CD2AP: variants seen among roughly 807,000 people sequenced by gnomAD.
CD2AP encodes CD2-associated protein.
CD2AP carries 46 observed loss-of-function variants against 85.1 expected under a neutral mutation model. The observed-to-expected ratio is 0.54, with a 90% CI of 0.43 to 0.69. The LOEUF (loss-of-function observed/expected upper bound fraction) is 0.69, where lower values mean the gene tolerates loss of function less well. CD2AP is among the 30% of genes least tolerant of loss of function. The probability of loss-of-function intolerance (pLI) is 0.00; values close to 1 mark genes in which losing one functional copy is unlikely to be tolerated. For synonymous variants in CD2AP, 255 were observed against 252.9 expected, an observed-to-expected ratio of 1.01 and a Z score of -0.08; for missense variants, 769 against 729.5, an observed-to-expected ratio of 1.05 and a Z score of -0.62.
At chr6:47,516,838 T>C (rs1379270209) in intron 2 of CD2AP, among the ~76,000 whole-genome samples, 1 of 152,224 alleles carries the variant, frequency 6.6e-6, no homozygotes. Context: ...AATCAACTGT[T>C]ATTCTTTATT....
chr6:47,512,199 G>A (rs1162174963), intron 2 of CD2AP, among the ~76,000 whole-genome samples: 2 of 151,388 alleles, frequency 1.3e-5, no homozygotes, highest in African/African-American at 2.4e-5. Flanking sequence ...AAAATTCGCC[G>A]GGAGTGGTGA....
Position 47,581,990 on chromosome 6 carries a change from T to A in CD2AP, c.1046-13T>A. The A allele has an allele frequency of 6.3e-7, 1 of 1,576,426 alleles. No homozygotes were observed. Reference sequence around the variant, plus strand: ...CTGTCTTCTTAAAAAAGTATTAATGTTTTTTCCCATAGCTCCAAAGCCTGA... The same window carrying A: ...CTGTCTTCTTAAAAAAGTATTAATGATTTTTCCCATAGCTCCAAAGCCTGA... On this transcript the variant is annotated splice_polypyrimidine_tract_variant and intron_variant, in intron 10 of 17. Transcript: ENST00000359314.
intron 1 of CD2AP, among the ~76,000 whole-genome samples, chr6:47,483,792 G>GTTT (rs1381345401): frequency 2.6e-5 from 3 of 113,988 alleles, no homozygotes; most frequent in African/African-American, 6.4e-5. Flanking sequence ...TGATGTGCCT[G>GTTT]TTTTTTTTTT....
chr6:47,589,465 TACAC>T (rs1272090886), intron 11 of CD2AP, among the ~76,000 whole-genome samples: 1 of 147,556 alleles, frequency 6.8e-6, no homozygotes, highest in Non-Finnish European at 1.5e-5. Flanking sequence ...TATACATATA[TACAC>T]ACACATATAC....
intron 3 of CD2AP, among the ~76,000 whole-genome samples, chr6:47,543,148 C>CAAAAAAAA (rs11338409): frequency 2.5e-4 from 15 of 60,310 alleles, no homozygotes; most frequent in Admixed American, 7.3e-4. Flanking sequence ...AAGACTGTCT[C>CAAAAAAAA]AAAAAAAAAA....
At chr6:47,615,203 G>C (rs1344579750) in intron 17 of CD2AP, among the ~76,000 whole-genome samples, 1 of 152,032 alleles carries the variant, frequency 6.6e-6, no homozygotes, top group African/African-American at 2.4e-5. Context: ...TAACTTTTTT[G>C]TTTTAAACTG....
intron 2 of CD2AP, among the ~76,000 whole-genome samples, chr6:47,505,593 C>G (rs914207091): frequency 7.5e-6 from 1 of 133,348 alleles, no homozygotes; most frequent in Non-Finnish European, 1.6e-5. Flanking sequence ...CCTCACCTCC[C>G]GGACGGGGCG....
Position 47,495,338 on chromosome 6 carries a change from G to A in CD2AP, c.5-7942G>A, listed in dbSNP as rs552755524. On this transcript the variant is annotated intron_variant, in intron 1 of 17. Transcript: ENST00000359314. ...AGATGGAGGTAGAGGTTGGAGTTAC[G>A]TAAGCAAAGGAACACTAAAAATTGC... Among the ~76,000 whole-genome samples, 6 of 152,138 alleles carry A rather than the reference G, an allele frequency of 3.9e-5. 1 individual carries two copies. Among genetic ancestry groups the A allele is most frequent in the Admixed American group, 6.6e-5 (1 of 15,262 alleles).
chr6:47,539,420 C>A (rs115794742), intron 3 of CD2AP, among the ~76,000 whole-genome samples: 4,604 of 152,176 alleles, frequency 0.03, 98 homozygotes, highest in Middle Eastern at 0.071. Flanking sequence ...CTTTGGCAGA[C>A]CCACAGAAAT....
chr6:47,574,360 C>T, intron 6 of CD2AP, 109 bp downstream of exon 6: 1 of 1,036,026 alleles, frequency 9.7e-7, no homozygotes, highest in Non-Finnish European at 1.5e-6. Context: ...TTTCAGATCA[C>T]TAATAATTTG....
At chr6:47,548,533 A>G (rs1767429407) in intron 4 of CD2AP, among the ~76,000 whole-genome samples, 1 of 152,154 alleles carries the variant, frequency 6.6e-6, no homozygotes, top group African/African-American at 2.4e-5. Context: ...CAGAACAATA[A>G]CAGGCAGCGA....
chr6:47,593,510 T>C (rs974349726), intron 11 of CD2AP, among the ~76,000 whole-genome samples: 5 of 152,126 alleles, frequency 3.3e-5, no homozygotes, highest in East Asian at 1.9e-4. Flanking sequence ...CTTGAAAAGA[T>C]GTTTAACATC....
At chr6:47,615,393 T>A (rs1485454358) in intron 17 of CD2AP, among the ~76,000 whole-genome samples, 1 of 152,156 alleles carries the variant, frequency 6.6e-6, no homozygotes, top group Non-Finnish European at 1.5e-5. Context: ...AAGAAAAATT[T>A]AATTGGCTCA....
At chr6:47,537,517 T>C (rs1767083483) in intron 3 of CD2AP, among the ~76,000 whole-genome samples, 1 of 152,170 alleles carries the variant, frequency 6.6e-6, no homozygotes, top group Admixed American at 6.5e-5. Context: ...GTGAACATAG[T>C]ATACCCTTCA....
At chr6:47,563,717 G>A (rs1248365285) in intron 5 of CD2AP, among the ~76,000 whole-genome samples, 1 of 152,138 alleles carries the variant, frequency 6.6e-6, no homozygotes, top group Non-Finnish European at 1.5e-5. Flanking sequence ...CTCTGTAAGT[G>A]CTACATACTA....
At chr6:47,581,251 T>G (rs1768472997) in intron 10 of CD2AP, among the ~76,000 whole-genome samples, 1 of 152,208 alleles carries the variant, frequency 6.6e-6, no homozygotes, top group Admixed American at 6.5e-5. Context: ...AATAATAATT[T>G]ATGTACTCTT....
chr6:47,491,267 GTGTA>G (rs71717107), intron 1 of CD2AP, among the ~76,000 whole-genome samples: 29,663 of 102,836 alleles, frequency 0.29, 3,364 homozygotes, highest in Middle Eastern at 0.4. Flanking sequence ...ATATGTGTGT[GTGTA>G]TGTGTGTGTG....
In CD2AP at chr6:47,591,746, G is replaced by C. The variant is rs538358391; in HGVS notation, c.1109-4115G>C. ...TGAAGCAAATAAAAGGACATATTTT[G>C]GTTATTTTGTTGTATTTTGTTAGCA... On this transcript the variant is annotated intron_variant, in intron 11 of 17. Coordinates refer to ENST00000359314, the MANE Select transcript of CD2AP (RefSeq NM_012120.3). Among the ~76,000 whole-genome samples, 5 of 152,032 alleles carry C rather than the reference G, an allele frequency of 3.3e-5. No homozygotes were observed. The East Asian group carries it at 9.7e-4, about 29-fold the overall frequency.
chr6:47,582,940 G>A (rs1391863871), intron 11 of CD2AP, among the ~76,000 whole-genome samples: 1 of 151,630 alleles, frequency 6.6e-6, no homozygotes, highest in Non-Finnish European at 1.5e-5. Context: ...CCGCCACCAC[G>A]CCCGGCTAAT....
Sources: gnomAD v4.1 joint callset for allele counts (sites outside exome capture counted in the v4.1 genomes callset) on GRCh38, gnomAD v4.1.1 for gene constraint, MANE v1.5 for transcripts, NCBI Gene and HGNC (gene_info 2026-07-23, HGNC 2026-07-21) for gene names.